CCSER2: variants seen among roughly 807,000 people sequenced by gnomAD.
The protein encoded by CCSER2 is serine-rich coiled-coil domain-containing protein 2.
In CCSER2, 46 loss-of-function variants were observed where a neutral mutation model predicts 92.3. The observed-to-expected ratio is 0.50, with a 90% CI of 0.39 to 0.64. CCSER2 has a LOEUF of 0.64. Ranked by LOEUF, CCSER2 falls within the 30% of genes least tolerant of loss-of-function variation. The pLI, the probability that CCSER2 is intolerant of heterozygous loss-of-function variation, is 0.00. For missense variants in CCSER2, 1,244 were observed against 1,238.9 expected (o/e 1.00, Z -0.06); for synonymous variants, 433 against 431.4 (o/e 1.00, Z -0.04).
At chr10:84,465,513 A>T (rs1171080543) in intron 7 of CCSER2, among the ~76,000 whole-genome samples, 3 of 151,480 alleles carry the variant, frequency 2.0e-5, no homozygotes, top group Non-Finnish European at 4.4e-5. Context: ...TTTAGTAGAG[A>T]TGGGGTTTCA....
At chr10:84,373,013 TC>T (rs1846147919) in intron 2 of CCSER2, among the ~76,000 whole-genome samples, 1 of 152,130 alleles carries the variant, frequency 6.6e-6, no homozygotes, top group African/African-American at 2.4e-5. Context: ...GTTAAACATT[TC>T]CTCTTATGTT....
intron 3 of CCSER2, among the ~76,000 whole-genome samples, chr10:84,402,305 T>C (rs1347099015): frequency 8.5e-5 from 13 of 152,284 alleles, no homozygotes; most frequent in Non-Finnish European, 1.9e-4. Flanking sequence ...CCAGCCTGTG[T>C]TGACAGAGAA....
chr10:84,405,791 G>A (rs1207047958), intron 3 of CCSER2, among the ~76,000 whole-genome samples: 1 of 152,200 alleles, frequency 6.6e-6, no homozygotes, highest in East Asian at 1.9e-4. Flanking sequence ...ATTACTGACA[G>A]TAACTAAGGG....
At chr10:84,466,080 T>A (rs1276753522) in intron 7 of CCSER2, among the ~76,000 whole-genome samples, 1 of 152,242 alleles carries the variant, frequency 6.6e-6, no homozygotes, top group Non-Finnish European at 1.5e-5. Flanking sequence ...TTCTTGTCCC[T>A]GCTCCATTTC....
At chr10:84,334,883 A>G (rs1279798896) in intron 1 of CCSER2, among the ~76,000 whole-genome samples, 1 of 152,116 alleles carries the variant, frequency 6.6e-6, no homozygotes, top group Non-Finnish European at 1.5e-5. Context: ...TCCTGTTTTC[A>G]TCTACCCTGT....
At chr10:84,450,220 C>T (rs750642252) in intron 6 of CCSER2, among the ~76,000 whole-genome samples, 1 of 152,126 alleles carries the variant, frequency 6.6e-6, no homozygotes. Context: ...GTACCCAGTA[C>T]ATTGTTCGAA....
chr10:84,418,066 C>G (rs1486515009), intron 4 of CCSER2, among the ~76,000 whole-genome samples: 1 of 152,188 alleles, frequency 6.6e-6, no homozygotes, highest in Non-Finnish European at 1.5e-5. Flanking sequence ...ATATAATTCT[C>G]TATCATCCAA....
chr10:84,450,695 T>C (rs2133582381), intron 6 of CCSER2, among the ~76,000 whole-genome samples: 1 of 152,310 alleles, frequency 6.6e-6, no homozygotes, highest in Non-Finnish European at 1.5e-5. Flanking sequence ...TTTAAAAACC[T>C]GAGAAACTTT....
chr10:84,475,413 CAT>C (rs1847079922), intron 8 of CCSER2, among the ~76,000 whole-genome samples: 4 of 152,142 alleles, frequency 2.6e-5, no homozygotes, highest in Admixed American at 2.6e-4. Flanking sequence ...TTGGAAAACT[CAT>C]ATATTTGCCA....
intron 3 of CCSER2, among the ~76,000 whole-genome samples, chr10:84,388,300 T>C (rs1398004134): frequency 6.6e-6 from 1 of 152,240 alleles, no homozygotes; most frequent in Admixed American, 6.5e-5. Context: ...TCTCAAAGTT[T>C]GGTTTGTGAT....
At chr10:84,512,367 AGTGTGTGT>A (rs141667701) in intron 9 of CCSER2, among the ~76,000 whole-genome samples, 224 of 139,350 alleles carry the variant, frequency 1.6e-3, no homozygotes, top group South Asian at 4.2e-3. Flanking sequence ...TTATTTAAAC[AGTGTGTGT>A]GTGTGTGTGT....
At chr10:84,435,151 A>C (rs547751604) in intron 5 of CCSER2, among the ~76,000 whole-genome samples, 6 of 152,328 alleles carry the variant, frequency 3.9e-5, no homozygotes, top group East Asian at 1.9e-4. Flanking sequence ...ACTTTGTTCA[A>C]TGAGCAGTAG....
chr10:84,383,069 C>T (rs577207391), intron 3 of CCSER2, among the ~76,000 whole-genome samples: 3 of 152,068 alleles, frequency 2.0e-5, no homozygotes, highest in Non-Finnish European at 4.4e-5. Flanking sequence ...GCAGTGTTTG[C>T]GTGGGTATAT....
At chr10:84,464,209 A>G (rs571877232) in intron 7 of CCSER2, among the ~76,000 whole-genome samples, 193 bp downstream of exon 7, 3 of 152,332 alleles carry the variant, frequency 2.0e-5, no homozygotes, top group South Asian at 4.1e-4. Context: ...TTGGATAATG[A>G]TCTGTCCTTG....
chr10:84,414,227 G>T (rs1191386784), intron 3 of CCSER2, among the ~76,000 whole-genome samples: 1 of 152,166 alleles, frequency 6.6e-6, no homozygotes, highest in Non-Finnish European at 1.5e-5. Flanking sequence ...TGTTTATGTG[G>T]TTGCTTCATA....
intron 9 of CCSER2, among the ~76,000 whole-genome samples, chr10:84,508,610 T>C (rs1175101808): frequency 2.0e-5 from 3 of 152,206 alleles, no homozygotes; most frequent in African/African-American, 7.2e-5. Context: ...TAAACTTGCA[T>C]GTCTTTGCTC....
chr10:84,372,291 C>T lies in CCSER2; in HGVS notation c.1239C>T (p.Asp413=). 2 of 1,612,780 alleles carry T rather than the reference C, an allele frequency of 1.2e-6. No homozygotes were observed. ...CTGATAAGAATGATTTAAGTGAAGA[C>T]TTTAGTGATGATTTTATAGATATAG... ...SSSDKNDLSE[D]FSDDFIDIED... is the part of the protein sequence containing the mutation. The change falls in exon 2 of 10, where the codon GAC becomes GAT. Residue 413 remains aspartate, a synonymous_variant. Transcript: ENST00000372088.
intron 5 of CCSER2, among the ~76,000 whole-genome samples, chr10:84,426,749 G>A (rs1234802417): frequency 6.6e-6 from 1 of 151,978 alleles, no homozygotes; most frequent in African/African-American, 2.4e-5. Flanking sequence ...CTAAAGTGAG[G>A]GAAAAAATTG....
chr10:84,500,269 A>G (rs940306556), intron 9 of CCSER2, among the ~76,000 whole-genome samples: 1 of 152,196 alleles, frequency 6.6e-6, no homozygotes, highest in African/African-American at 2.4e-5. Context: ...ACCTTGAAAT[A>G]TGTGAATAAA....
Sources: gnomAD v4.1 joint callset for allele counts (sites outside exome capture counted in the v4.1 genomes callset) on GRCh38, gnomAD v4.1.1 for gene constraint, MANE v1.5 for transcripts, NCBI Gene and HGNC (gene_info 2026-07-23, HGNC 2026-07-21) for gene names.